CCSER1: variants seen among roughly 807,000 people sequenced by gnomAD.
CCSER1 encodes the protein coiled-coil serine rich protein 1.
CCSER1 carries 41 observed loss-of-function variants against 82.0 expected under a neutral mutation model. That is an observed-to-expected ratio of 0.50 (90% confidence interval 0.39 to 0.65). CCSER1 has a LOEUF of 0.65. Among genes scored for constraint, CCSER1 ranks in the 30% least tolerant of loss-of-function variants. CCSER1 has a pLI of 0.00. For missense variants in CCSER1, 1,119 were observed against 1,064.2 expected, an observed-to-expected ratio of 1.05 and a Z score of -0.72; for synonymous variants, 414 against 383.9, an observed-to-expected ratio of 1.08 and a Z score of -0.92.
Position 90,182,215 on chromosome 4 carries a change from T to C in CCSER1, c.-42+54384T>C, listed in dbSNP as rs190468367. ...TTGAATTGCTTTTGTCTAATTATTA[T>C]GAAATATGACTTCTTATACTTTGGA... On this transcript the variant is annotated intron_variant, in intron 1 of 10. Coordinates refer to ENST00000509176, the MANE Select transcript of CCSER1 (RefSeq NM_001145065.2). Among the ~76,000 whole-genome samples the C allele has an allele frequency of 5.1e-4, 77 of 152,298 alleles. 2 individuals carry two copies. The highest frequency in any genetic ancestry group is 4.5e-3 in the Admixed American group (68 of 15,278).
At chr4:91,397,883 T>G (rs1401033049) in intron 10 of CCSER1, among the ~76,000 whole-genome samples, 2 of 151,968 alleles carry the variant, frequency 1.3e-5, no homozygotes, top group Non-Finnish European at 2.9e-5. Flanking sequence ...TAGTTTGGTG[T>G]GGCTGGGGCA....
intron 5 of CCSER1, among the ~76,000 whole-genome samples, chr4:90,575,355 A>C (rs1483199041): frequency 1.3e-5 from 2 of 152,174 alleles, no homozygotes; most frequent in Admixed American, 1.3e-4. Flanking sequence ...AAGAGATAGA[A>C]AGGAAGGGAG....
chr4:91,538,498 G>A (rs886197110), intron 10 of CCSER1, among the ~76,000 whole-genome samples: 1 of 151,192 alleles, frequency 6.6e-6, no homozygotes, highest in Non-Finnish European at 1.5e-5. Context: ...AGTTGGAGAG[G>A]CTCTCTCTCA....
chr4:90,151,588 T>A (rs1489328040), intron 1 of CCSER1, among the ~76,000 whole-genome samples: 1 of 152,078 alleles, frequency 6.6e-6, no homozygotes, highest in African/African-American at 2.4e-5. Context: ...TAGAATAAAT[T>A]GATAGACTGT....
chr4:90,721,044 AAAG>A (rs774185360), intron 6 of CCSER1, among the ~76,000 whole-genome samples: 1 of 151,946 alleles, frequency 6.6e-6, no homozygotes, highest in African/African-American at 2.4e-5. Flanking sequence ...ATATTCATAA[AAAG>A]AAGGTGATAT....
chr4:90,845,819 A>C (rs984226684), intron 8 of CCSER1, among the ~76,000 whole-genome samples: 8 of 152,050 alleles, frequency 5.3e-5, no homozygotes, highest in Non-Finnish European at 1.0e-4. Context: ...AAAAAAAAAA[A>C]ACCAGATTTT....
At chr4:90,162,885 G>A (rs888073502) in intron 1 of CCSER1, among the ~76,000 whole-genome samples, 4 of 152,096 alleles carry the variant, frequency 2.6e-5, no homozygotes, top group African/African-American at 7.2e-5. Flanking sequence ...TTAGATAAGC[G>A]TGTTAATATT....
intron 4 of CCSER1, among the ~76,000 whole-genome samples, chr4:90,436,463 G>A (rs986978351): frequency 6.6e-6 from 1 of 152,168 alleles, no homozygotes; most frequent in Non-Finnish European, 1.5e-5. Context: ...AGGCACATTT[G>A]AAAATACCGC....
intron 10 of CCSER1, among the ~76,000 whole-genome samples, chr4:91,366,497 C>T (rs1344574882): frequency 1.3e-5 from 2 of 152,184 alleles, no homozygotes; most frequent in African/African-American, 4.8e-5. Flanking sequence ...AATATTCCAT[C>T]AGGATTCATA....
chr4:91,483,927 A>G (rs1758085742), intron 10 of CCSER1, among the ~76,000 whole-genome samples: 1 of 152,100 alleles, frequency 6.6e-6, no homozygotes, highest in South Asian at 2.1e-4. Flanking sequence ...ACTATCTACC[A>G]TGAGCTCCAA....
intron 7 of CCSER1, among the ~76,000 whole-genome samples, chr4:90,815,111 T>TAG (rs1202850316): frequency 3.3e-5 from 5 of 152,170 alleles, no homozygotes; most frequent in Non-Finnish European, 7.3e-5. Context: ...TCAGGAAACT[T>TAG]ACAATCATGG....
At chr4:91,582,920 T>C (rs913401319) in intron 10 of CCSER1, among the ~76,000 whole-genome samples, 1 of 151,414 alleles carries the variant, frequency 6.6e-6, no homozygotes, top group East Asian at 1.9e-4. Flanking sequence ...CATAAGGTAA[T>C]TTTTACTTAT....
rs369051250 is a variant in CCSER1 at position 90,400,124 on chromosome 4, C to T, written c.1598C>T (p.Pro533Leu). Residue 533 changes from proline (P) to leucine (L), a missense_variant, in exon 4 of 11, where the codon CCT becomes CTT. Coordinates refer to ENST00000509176, the MANE Select transcript of CCSER1 (RefSeq NM_001145065.2). ...LEFLEEQSLH[P>L]SVCREDSYHS... ...TTTTTAGAGGAACAGAGTCTTCACC[C>T]TTCTGGTAAGTGTTAAAGAGATGAA... The T allele has an allele frequency of 6.4e-7, 1 of 1,566,684 alleles. No homozygotes were observed. The highest frequency in any genetic ancestry group is 1.4e-5 in the African/African-American group (1 of 74,002).
chr4:90,440,298 T>A (rs534009717), intron 4 of CCSER1, among the ~76,000 whole-genome samples: 2 of 152,280 alleles, frequency 1.3e-5, no homozygotes, highest in Admixed American at 1.3e-4. Flanking sequence ...AGCCACTGCA[T>A]CCAGTCCATA....
At chr4:90,213,385 C>A (rs1253960136) in intron 1 of CCSER1, among the ~76,000 whole-genome samples, 1 of 152,002 alleles carries the variant, frequency 6.6e-6, no homozygotes, top group Admixed American at 6.6e-5. Flanking sequence ...GTTGAGATGT[C>A]TATTGGACAT....
chr4:90,405,557 T>C (rs527779995), intron 4 of CCSER1, among the ~76,000 whole-genome samples: 1 of 152,148 alleles, frequency 6.6e-6, no homozygotes, highest in South Asian at 2.1e-4. Flanking sequence ...ACGCACACAG[T>C]CATCAGGTTA....
chr4:91,356,539 T>A (rs531299228), intron 10 of CCSER1, among the ~76,000 whole-genome samples: 3 of 152,302 alleles, frequency 2.0e-5, no homozygotes, highest in African/African-American at 4.8e-5. Context: ...TATTATTATT[T>A]TTTTTCCTCT....
intron 1 of CCSER1, among the ~76,000 whole-genome samples, chr4:90,307,346 A>G (rs1052339853): frequency 3.3e-5 from 5 of 151,932 alleles, no homozygotes; most frequent in African/African-American, 7.3e-5. Flanking sequence ...AAGGTTACCA[A>G]CTGTCTTAGT....
At chr4:91,105,091 C>T (rs894868741) in intron 10 of CCSER1, among the ~76,000 whole-genome samples, 1 of 151,844 alleles carries the variant, frequency 6.6e-6, no homozygotes, top group African/African-American at 2.4e-5. Flanking sequence ...TCTATCATTT[C>T]ACTCTTTACC....
Sources: gnomAD v4.1 joint callset for allele counts (sites outside exome capture counted in the v4.1 genomes callset) on GRCh38, gnomAD v4.1.1 for gene constraint, MANE v1.5 for transcripts, NCBI Gene and HGNC (gene_info 2026-07-23, HGNC 2026-07-21) for gene names.